The following CFDP1 variants were observed in gnomAD, a reference collection of about 807,000 sequenced individuals.
CFDP1 encodes heterochromatin-stabilizing protein CFDP1.
A neutral mutation model predicts 40.1 loss-of-function variants in CFDP1; 31 were observed. That is an observed-to-expected ratio of 0.77 (90% CI 0.58 to 1.04). CFDP1 has a LOEUF of 1.04. Ranked by LOEUF, CFDP1 falls within the 50% of genes least tolerant of loss-of-function variation. The pLI, the probability that CFDP1 is intolerant of heterozygous loss-of-function variation, is 0.00. For missense variants in CFDP1, 423 were observed against 343.4 expected (o/e 1.23, Z -1.83); for synonymous variants, 167 against 120.0 (o/e 1.39, Z -2.56).
At chr16:75,393,737 C>CAAAAAAAAAAAAAAA (rs61344775) in intron 5 of CFDP1, among the ~76,000 whole-genome samples, 7 of 80,620 alleles carry the variant, frequency 8.7e-5, no homozygotes, top group African/African-American at 3.5e-4. Flanking sequence ...GACTCCGTCG[C>CAAAAAAAAAAAAAAA]AAAAAAAAAA....
intron 4 of CFDP1, among the ~76,000 whole-genome samples, chr16:75,396,188 T>C (rs372235303): frequency 9.7e-6 from 1 of 102,582 alleles, no homozygotes; most frequent in African/African-American, 2.9e-5. Flanking sequence ...GGTTATAGAA[T>C]TGGGAAATAA....
chr16:75,316,347 T>C (rs1359488957), intron 5 of CFDP1, among the ~76,000 whole-genome samples: 1 of 152,180 alleles, frequency 6.6e-6, no homozygotes, highest in African/African-American at 2.4e-5. Flanking sequence ...TTCTTATGCC[T>C]CACTCTATAA....
At position 75,414,610 on chromosome 16, in the gene CFDP1, C is replaced by G; in HGVS notation, c.150G>C (p.Gly50=). 3 of 1,613,576 alleles carry G rather than the reference C, an allele frequency of 1.9e-6. No individual in the cohort carries two copies. The highest frequency in any genetic ancestry group is 2.5e-6 in the Non-Finnish European group (3 of 1,179,724). ...DGEEQTQKTQ[G]KKRKAQSIPA... ...GAATGCTCTGGGCCTTTCTTTTTTT[C>G]CCTTGGGTTTTCTGTGTCTGCTCTT... Residue 50 remains glycine, a synonymous_variant, in exon 2 of 7, where the codon GGG becomes GGC. Transcript: ENST00000283882.
chr16:75,401,552 A>T (rs1315043774), intron 4 of CFDP1, among the ~76,000 whole-genome samples: 1 of 152,056 alleles, frequency 6.6e-6, no homozygotes, highest in Non-Finnish European at 1.5e-5. Flanking sequence ...GTGAGCTGAG[A>T]TAGCGCCACT....
chr16:75,349,698 T>TATATATATATATATATACACAC (rs146824267), intron 5 of CFDP1, among the ~76,000 whole-genome samples: 8 of 47,898 alleles, frequency 1.7e-4, no homozygotes, highest in African/African-American at 4.4e-4. Flanking sequence ...AAAATATATA[T>TATATATATATATATATACACAC]ACATACATAT....
At chr16:75,374,235 A>G (rs2078774993) in intron 5 of CFDP1, among the ~76,000 whole-genome samples, 1 of 152,128 alleles carries the variant, frequency 6.6e-6, no homozygotes, top group African/African-American at 2.4e-5. Context: ...AGACTGTCTC[A>G]AAATAAAATA....
rs752098952 is a variant in CFDP1 at position 75,412,636 on chromosome 16, C to CA, written c.300dup (p.Gly101TrpfsTer20). The CA allele has an allele frequency of 2.5e-6, 4 of 1,614,100 alleles. No individual in the cohort carries two copies. The highest frequency in any genetic ancestry group is 3.4e-6 in the Non-Finnish European group (4 of 1,180,008). ...TTCTTTTTCCTGGCATCCTCTGATC[C>CA]AATGCCTTTTTCCTGCTCTGCAGCG... On this transcript the variant is annotated frameshift_variant, in exon 3 of 7. Coordinates refer to ENST00000283882, the MANE Select transcript of CFDP1 (RefSeq NM_006324.3). LOFTEE classifies it high-confidence loss of function.
At chr16:75,381,141 C>G (rs2078848662) in intron 5 of CFDP1, 1 of 152,032 alleles carries the variant, frequency 6.6e-6, no homozygotes, top group Admixed American at 6.6e-5. Flanking sequence ...AGAAAATATT[C>G]TAATTACATA....
intron 5 of CFDP1, among the ~76,000 whole-genome samples, chr16:75,322,894 G>A (rs560476710): frequency 1.1e-3 from 168 of 152,258 alleles, no homozygotes; most frequent in Non-Finnish European, 1.9e-3. Context: ...GGTGGAACCC[G>A]CAGGACTGGA....
Position 75,395,149 on chromosome 16 carries a change from C to G in CFDP1, c.591G>C (p.Glu197Asp), listed in dbSNP as rs1331367942. 1 of 1,613,562 alleles carries G rather than the reference C, an allele frequency of 6.2e-7. No individual in the cohort carries two copies. Among genetic ancestry groups the G allele is most frequent in the Non-Finnish European group, 8.5e-7 (1 of 1,179,778 alleles). The change falls in exon 5 of 7, where the codon GAG (glutamate) becomes GAC (aspartate). Residue 197 changes from glutamate (E) to aspartate (D), a missense_variant. By Grantham distance (45) the Glu-to-Asp change is conservative. Transcript: ENST00000283882. The stretch of plus-strand genomic sequence containing the variant: ...GAACATTAGCCTGTGGTTTTTCTTT[C>G]TCATTCTGCTTGAAGAAGGATTTGG... ...KEAKSFFKQN[E>D]KEKPQANVPS...
rs3833048 is a variant in CFDP1, at chr16:75,433,178, G to GCC, written c.64+109_64+110dup. ...AGGGAGCGGACGCTCGAGAACAGGAGCCCCCCTGGACCACCTGGGCCACAG... is the reference window on the plus strand; with the variant it reads ...AGGGAGCGGACGCTCGAGAACAGGAGCCCCCCCCTGGACCACCTGGGCCACAG... On this transcript the variant is annotated intron_variant, in intron 1 of 6. Transcript: ENST00000283882. The GCC allele has an allele frequency of 4.8e-4, 460 of 954,028 alleles. 5 individuals carry two copies. The South Asian group carries it at 5.4e-3, about 11-fold the overall frequency. The allele number at this position is 954,028 out of a possible 1,614,324, so 59.1% of individuals were successfully genotyped here. A position where few individuals can be genotyped will look rare whatever the true frequency, so the allele number is the denominator to read the frequency against.
At chr16:75,309,016 T>C (rs934778846) in intron 5 of CFDP1, among the ~76,000 whole-genome samples, 9 of 152,352 alleles carry the variant, frequency 5.9e-5, no homozygotes, top group Non-Finnish European at 1.3e-4. Flanking sequence ...CCTAATGTGA[T>C]AGTCTCTAAA....
In CFDP1 at chr16:75,308,810, G is replaced by A. The variant is rs946101675; in HGVS notation, c.651-3628C>T. On this transcript the variant is annotated intron_variant, in intron 5 of 6. Coordinates refer to ENST00000283882, the MANE Select transcript of CFDP1 (RefSeq NM_006324.3). ...TCCTGGGTGAGGCCATCTTATTGAC[G>A]AATTACTTTGAGAAGTCTATGAGAA... is the stretch of plus-strand genomic sequence containing the variant. 5.3e-5 allele frequency among the ~76,000 whole-genome samples: 8 copies of A among 152,094 alleles called. No homozygotes were observed. The South Asian group carries it at 1.0e-3, about 20-fold the overall frequency.
At chr16:75,377,376 C>T (rs1017741184) in intron 5 of CFDP1, among the ~76,000 whole-genome samples, 1 of 152,138 alleles carries the variant, frequency 6.6e-6, no homozygotes, top group Non-Finnish European at 1.5e-5. Flanking sequence ...ATTCTTCTAC[C>T]ACTATATTGG....
At chr16:75,315,274 G>A (rs981396868) in intron 5 of CFDP1, among the ~76,000 whole-genome samples, 2 of 135,886 alleles carry the variant, frequency 1.5e-5, no homozygotes, top group East Asian at 2.4e-4. Flanking sequence ...GGAGGTTGCC[G>A]TGAGCAGAGA....
chr16:75,332,047 T>C (rs2042328777), intron 5 of CFDP1, among the ~76,000 whole-genome samples: 1 of 152,226 alleles, frequency 6.6e-6, no homozygotes, highest in Non-Finnish European at 1.5e-5. Context: ...TGATTTTAAT[T>C]TGCATTTCCC....
chr16:75,418,984 T>A (rs746558934), intron 1 of CFDP1: 11 of 285,252 alleles, frequency 3.9e-5, no homozygotes, highest in Non-Finnish European at 5.9e-5. Flanking sequence ...TATAAAAGAT[T>A]TTTAAAAAAT....
At chr16:75,366,554 C>T (rs1312435650) in intron 5 of CFDP1, among the ~76,000 whole-genome samples, 3 of 151,924 alleles carry the variant, frequency 2.0e-5, no homozygotes, top group South Asian at 2.1e-4. Flanking sequence ...ACATGGGAGG[C>T]GGAGGTTGCA....
rs60902612 is a variant in CFDP1 at position 75,431,454 on chromosome 16, CAAAAAA to C, written c.64+1829_64+1834del. ...GGGAGACAGAGCAAAACTCTTGTCT[CAAAAAA>C]AAAAAAAAAAAAAAAAAGAAAAGAA... On this transcript the variant is annotated intron_variant, in intron 1 of 6. Transcript: ENST00000283882. Among the ~76,000 whole-genome samples the C allele has an allele frequency of 1.3e-4, 8 of 59,598 alleles. No individual in the cohort carries two copies. The East Asian group carries it at 3.1e-3, about 23-fold the overall frequency. 39.1% of individuals were successfully genotyped at this position (59,598 alleles called of 152,430 possible).
Sources: gnomAD v4.1 joint callset for allele counts (sites outside exome capture counted in the v4.1 genomes callset) on GRCh38, gnomAD v4.1.1 for gene constraint, MANE v1.5 for transcripts, NCBI Gene and HGNC (gene_info 2026-07-23, HGNC 2026-07-21) for gene names.